Variants in MAP3K6 observed in about 807,000 individuals in gnomAD.
MAP3K6 encodes the protein mitogen-activated protein kinase kinase kinase 6, also known as apoptosis signal-regulating kinase 2.
Under a neutral mutation model 147.1 loss-of-function variants are expected in MAP3K6, and 105 were observed. That is an observed-to-expected ratio of 0.71 (90% CI 0.61 to 0.84). MAP3K6 has a LOEUF of 0.84. Among genes scored for constraint, MAP3K6 ranks in the 40% least tolerant of loss-of-function variants. MAP3K6 has a pLI of 0.00. For synonymous variants in MAP3K6, 695 were observed against 732.4 expected (o/e 0.95, Z 0.82); for missense variants, 1,569 against 1,715.0 (o/e 0.91, Z 1.50).
rs745577799 is a variant in MAP3K6 at position 27,357,677 on chromosome 1, C to A, written c.3081+34G>T. On this transcript the variant is annotated intron_variant, in intron 22 of 28. Transcript: ENST00000357582. ...CATCAACAGGTGTCCTGACCCTTTGCGACCACCAGGGGGCGCTAGAGTGGG... is the reference window on the plus strand; with the variant it reads ...CATCAACAGGTGTCCTGACCCTTTGAGACCACCAGGGGGCGCTAGAGTGGG... 23 of 1,602,974 alleles carry A rather than the reference C, an allele frequency of 1.4e-5. No individual in the cohort carries two copies. The African/African-American group carries it at 2.8e-4, about 20-fold the overall frequency.
At position 27,359,647 on chromosome 1, in the gene MAP3K6, C is replaced by T. The variant is rs2015669452; in HGVS notation, c.2320-125G>A. 1.4e-6 allele frequency: 2 copies of T among 1,455,666 alleles called. No homozygotes were observed. The highest frequency in any genetic ancestry group is 4.9e-5 in the East Asian group (2 of 40,898). The allele number at this position is 1,455,666 out of a possible 1,614,324, so 90.2% of individuals were successfully genotyped here. A position where few individuals can be genotyped will look rare whatever the true frequency, so the allele number is the denominator to read the frequency against. ...GCCTCTGTCAACACTCTCCCCTTGCCATCCCACTTATATGCCCCTCTGGGA... is the reference window on the plus strand; with the variant it reads ...GCCTCTGTCAACACTCTCCCCTTGCTATCCCACTTATATGCCCCTCTGGGA... On this transcript the variant is annotated intron_variant, in intron 17 of 28. Coordinates refer to ENST00000357582, the MANE Select transcript of MAP3K6 (RefSeq NM_004672.5). This position sits in a 1 kb window ranked among gnomAD's most constrained non-coding sequence, Gnocchi z 4.4.
chr1:27,362,788 A>T, intron 7 of MAP3K6, 35 bp from the exon 8 acceptor site: 1 of 1,609,850 alleles, frequency 6.2e-7, no homozygotes, highest in Non-Finnish European at 8.5e-7. Flanking sequence ...GGCTGGACTG[A>T]TGCCCACAGC....
Position 27,363,602 on chromosome 1 carries a change from C to T in MAP3K6, c.865-54G>A, listed in dbSNP as rs1453776974. 3 of 1,416,552 alleles carry T rather than the reference C, an allele frequency of 2.1e-6. No homozygotes were observed. In the African/African-American group the frequency reaches 4.3e-5, roughly 20 times the overall value. The allele number at this position is 1,416,552 out of a possible 1,614,324, so 87.7% of individuals were successfully genotyped here. ...TCATGGGCCTCCAGGCCCCAAGGAA[C>T]CTTGAGCCAGGGTCCTGTCCCACTC... On this transcript the variant is annotated intron_variant, in intron 5 of 28. Transcript: ENST00000357582.
rs2015649410 is a variant in MAP3K6, at chr1:27,359,102, T to G, written c.2426-236A>C. Among the ~76,000 whole-genome samples the G allele has an allele frequency of 6.6e-6, 1 of 152,072 alleles. No individual in the cohort carries two copies. Among genetic ancestry groups the G allele is most frequent in the African/African-American group, 2.4e-5 (1 of 41,374 alleles). ...CCTGGGCTCCACCACATTCACAGAC[T>G]CCATCACCCACAGTAGTGCTCCAGC... On this transcript the variant is annotated intron_variant, in intron 18 of 28. Coordinates refer to ENST00000357582, the MANE Select transcript of MAP3K6 (RefSeq NM_004672.5). This position sits in a 1 kb window ranked among gnomAD's most constrained non-coding sequence, Gnocchi z 4.4.
In MAP3K6 at chr1:27,357,576, C is replaced by T. The variant is rs1222017421; in HGVS notation, c.3082G>A (p.Gly1028Arg). 6.2e-7 allele frequency: 1 copy of T among 1,606,102 alleles called. No individual in the cohort carries two copies. Among genetic ancestry groups the T allele is most frequent in the Admixed American group, 1.7e-5 (1 of 59,616 alleles). The change falls in exon 23 of 29, where the codon GGG becomes AGG. Residue 1028 changes from glycine to arginine, a missense_variant and splice_region_variant. Coordinates refer to ENST00000357582, the MANE Select transcript of MAP3K6 (RefSeq NM_004672.5). ...ACATGGTTTCTGCCCAGACGGGCCC[C>T]CTGAGAAGGAAGAGAGGGGTTGTCA... ...NLHQEQKQEQGARLGRNHVEE... is the reference protein window; with the variant it reads ...NLHQEQKQEQRARLGRNHVEE...
chr1:27,366,232 T>A lies in MAP3K6; in HGVS notation c.340+26A>T. 7.8e-7 allele frequency: 1 copy of A among 1,290,158 alleles called. No individual in the cohort carries two copies. Among genetic ancestry groups the A allele is most frequent in the Non-Finnish European group, 9.8e-7 (1 of 1,020,800 alleles). The allele number at this position is 1,290,158 out of a possible 1,614,324, so 79.9% of individuals were successfully genotyped here. A position where few individuals can be genotyped will look rare whatever the true frequency, so the allele number is the denominator to read the frequency against. ...CCCAGGACCCTGAGTCCCGCCCGGA[T>A]CCGGCCCCGCCCCCAGCGCTCTCAC... On this transcript the variant is annotated intron_variant, in intron 1 of 28. Coordinates refer to ENST00000357582, the MANE Select transcript of MAP3K6 (RefSeq NM_004672.5). The surrounding 1 kb of genome is among the most constrained non-coding windows in gnomAD (Gnocchi z 5.5).
Position 27,360,389 on chromosome 1 carries a change from G to C in MAP3K6, c.2055-21C>G. 4 of 1,609,984 alleles carry C rather than the reference G, an allele frequency of 2.5e-6. No individual in the cohort carries two copies. The highest frequency in any genetic ancestry group is 3.4e-6 in the Non-Finnish European group (4 of 1,177,964). On this transcript the variant is annotated intron_variant, in intron 15 of 28. Transcript: ENST00000357582. The surrounding 1 kb of genome is among the most constrained non-coding windows in gnomAD (Gnocchi z 4.5). Reference sequence around the variant, plus strand: ...AGAACCTGAGGGGAGGTAAGGGAGAGAGGAAAGGGACCGAGGTGGGCAGAG... The same window carrying C: ...AGAACCTGAGGGGAGGTAAGGGAGACAGGAAAGGGACCGAGGTGGGCAGAG...
chr1:27,361,230 AGCGCTCGTC>A lies in MAP3K6; in HGVS notation c.1750_1758del (p.Asp584_Arg586del), dbSNP rs780802433. 6.2e-7 allele frequency: 1 copy of A among 1,613,426 alleles called. No individual in the cohort carries two copies. The highest frequency in any genetic ancestry group is 8.5e-7 in the Non-Finnish European group (1 of 1,179,888). On this transcript the variant is annotated inframe_deletion, in exon 13 of 29. Coordinates refer to ENST00000357582, the MANE Select transcript of MAP3K6 (RefSeq NM_004672.5). ...GGGGGGAGTGCATAGAGGAAGCAGCAGCGCTCGTCGCGCTTTGAGGCGCTGGGAAGGGAT... is the reference window on the plus strand; with the variant it reads ...GGGGGGAGTGCATAGAGGAAGCAGCAGCGCTTTGAGGCGCTGGGAAGGGAT...
In MAP3K6 at chr1:27,357,422, G is replaced by A. The variant is rs779054519; in HGVS notation, c.3236C>T (p.Pro1079Leu). 6 of 1,599,894 alleles carry A rather than the reference G, an allele frequency of 3.8e-6. No individual in the cohort carries two copies. Among genetic ancestry groups the A allele is most frequent in the South Asian group, 1.1e-5 (1 of 90,314 alleles). The change falls in exon 23 of 29, where the codon CCG becomes CTG. Residue 1079 changes from proline to leucine, a missense_variant. Transcript: ENST00000357582. The part of the protein sequence containing the change: ...QGLGPALLHR[P>L]LFAFPDAVKQ... ...CACCGCATCCGGGAAGGCAAACAGC[G>A]GTCTGTGCAGAAGCGCAGGCCCAAG...
rs369203534 is a variant in MAP3K6 at position 27,360,314 on chromosome 1, C to T, written c.2109G>A (p.Lys703=). 1.2e-6 allele frequency: 2 copies of T among 1,614,098 alleles called. No homozygotes were observed. The highest frequency in any genetic ancestry group is 1.7e-6 in the Non-Finnish European group (2 of 1,179,996). The change falls in exon 16 of 29, where the codon AAG becomes AAA. Residue 703 remains lysine (K), a synonymous_variant. Coordinates refer to ENST00000357582, the MANE Select transcript of MAP3K6 (RefSeq NM_004672.5). The surrounding 1 kb of genome is among the most constrained non-coding windows in gnomAD (Gnocchi z 4.5). ...CTGAGCCCAGATAGCGCACTATGTT[C>T]TTGTGGCGCAGGCGTCTGTGAAGAG... is the stretch of plus-strand genomic sequence containing the variant. ...EIALHRRLRH[K]NIVRYLGSAS...
Position 27,356,695 on chromosome 1 carries a change from T to C in MAP3K6, c.3419A>G (p.Asp1140Gly), listed in dbSNP as rs769907827. The C allele has an allele frequency of 1.2e-6, 2 of 1,606,718 alleles. No homozygotes were observed. Among genetic ancestry groups the C allele is most frequent in the Non-Finnish European group, 1.7e-6 (2 of 1,176,382 alleles). The change falls in exon 25 of 29, where the codon GAC (aspartate) becomes GGC (glycine). Residue 1140 changes from aspartate to glycine, a missense_variant. Asp to Gly is a moderately conservative substitution (Grantham distance 94, BLOSUM62 -1). Transcript: ENST00000357582. ...CTGCTGGCCTGGGCTCTGCTGGGAGTCCCCTTCATTACTCAGCTCCTCTGA... is the reference window on the plus strand; with the variant it reads ...CTGCTGGCCTGGGCTCTGCTGGGAGCCCCCTTCATTACTCAGCTCCTCTGA... ...PRSEELSNEG[D>G]SQQSPGQQSP...
intron 8 of MAP3K6, 93 bp from the exon 9 acceptor site, chr1:27,362,343 G>A: frequency 7.6e-7 from 1 of 1,311,842 alleles, no homozygotes; most frequent in Non-Finnish European, 1.1e-6. Context: ...CATGAACATA[G>A]ATATGAGTAT....
chr1:27,361,656 C>T, intron 10 of MAP3K6, 29 bp from the exon 11 acceptor site: 1 of 1,614,112 alleles, frequency 6.2e-7, no homozygotes, highest in Non-Finnish European at 8.5e-7. Flanking sequence ...TGGGGTCAGT[C>T]AGAAGGGGCT....
rs2015998035 is a variant in MAP3K6 at position 27,366,601 on chromosome 1, G to A, written c.-4C>T. 5 of 1,077,482 alleles carry A rather than the reference G, an allele frequency of 4.6e-6. No individual in the cohort carries two copies. Among genetic ancestry groups the A allele is most frequent in the Non-Finnish European group, 5.6e-6 (5 of 889,978 alleles). The allele number at this position is 1,077,482 out of a possible 1,614,324, so 66.7% of individuals were successfully genotyped here. ...ACCGGGGACACGGCCCCGCCATGCG[G>A]GGGCGCTCAGGCGCGGGGCGCCGCG... is the stretch of plus-strand genomic sequence containing the variant. On this transcript the variant is annotated 5_prime_UTR_variant, in exon 1 of 29. Transcript: ENST00000357582. This position sits in a 1 kb window ranked among gnomAD's most constrained non-coding sequence, Gnocchi z 5.5.
rs762382720 is a variant in MAP3K6 at position 27,361,366 on chromosome 1, G to A, written c.1716C>T (p.Val572=). The change falls in exon 12 of 29, where the codon GTC becomes GTT. Residue 572 remains valine (V), a synonymous_variant. Transcript: ENST00000357582. Reference sequence around the variant, plus strand: ...ATCACCTGACTCCGCATATGGAGGCGACTGGGAAGGTCCAGCTGGAGGGAA... The same window carrying A: ...ATCACCTGACTCCGCATATGGAGGCAACTGGGAAGGTCCAGCTGGAGGGAA... ...QDIPSSWTFP[V]ASICGVSASK... 13 of 1,613,848 alleles carry A rather than the reference G, an allele frequency of 8.1e-6. No individual in the cohort carries two copies. The highest frequency in any genetic ancestry group is 4.5e-5 in the East Asian group (2 of 44,896).
At position 27,358,408 on chromosome 1, in the gene MAP3K6, C is replaced by G; in HGVS notation, c.2776+11G>C. ...GCCCTCCACTGTGCCCATCCCGCCA[C>G]CCGCAAGCACCTGAGGGCCGTGGAG... On this transcript the variant is annotated intron_variant, in intron 20 of 28. Transcript: ENST00000357582. This position sits in a 1 kb window ranked among gnomAD's most constrained non-coding sequence, Gnocchi z 6.2. 6.3e-7 allele frequency: 1 copy of G among 1,582,530 alleles called. No individual in the cohort carries two copies. The highest frequency in any genetic ancestry group is 8.5e-7 in the Non-Finnish European group (1 of 1,169,908).
Position 27,362,645 on chromosome 1 carries a change from TAGCCGG to T in MAP3K6, c.1245_1250del (p.Arg416_Leu417del). 1.9e-6 allele frequency: 3 copies of T among 1,582,306 alleles called. No homozygotes were observed. The highest frequency in any genetic ancestry group is 2.6e-6 in the Non-Finnish European group (3 of 1,162,352). On this transcript the variant is annotated inframe_deletion, in exon 8 of 29. Coordinates refer to ENST00000357582, the MANE Select transcript of MAP3K6 (RefSeq NM_004672.5). ...AGAGCCAGGATCTGTGCTCACCTAT[TAGCCGG>T]AGCTCTTTGGAATCCTCAAAGTGCT...
Position 27,357,125 on chromosome 1 carries a change from A to G in MAP3K6, c.3259-11T>C. ...GAGGATCTGCTTCACCTGCAGGGGG[A>G]GGGAGGCGCCGCTGAGACAGCTGAG... On this transcript the variant is annotated splice_polypyrimidine_tract_variant and intron_variant, in intron 23 of 28. Coordinates refer to ENST00000357582, the MANE Select transcript of MAP3K6 (RefSeq NM_004672.5). The G allele has an allele frequency of 3.1e-6, 5 of 1,601,220 alleles. No individual in the cohort carries two copies. Among genetic ancestry groups the G allele is most frequent in the Non-Finnish European group, 4.3e-6 (5 of 1,168,756 alleles).
At chr1:27,356,788 GC>G in intron 24 of MAP3K6, 39 bp from the exon 25 acceptor site, 1 of 1,525,940 alleles carries the variant, frequency 6.6e-7, no homozygotes, top group Non-Finnish European at 8.8e-7. Flanking sequence ...AGGCTACAAC[GC>G]CCGTTTGGGA....
Sources: gnomAD v4.1 joint callset for allele counts (sites outside exome capture counted in the v4.1 genomes callset) on GRCh38, gnomAD v4.1.1 for gene constraint, Gnocchi (gnomAD v3.1) non-coding constraint, MANE v1.5 for transcripts, NCBI Gene and HGNC (gene_info 2026-07-23, HGNC 2026-07-21) for gene names.